ART3: variants seen among roughly 807,000 people sequenced by gnomAD.
ART3 encodes the protein ecto-ADP-ribosyltransferase 3.
ART3 carries 49 observed loss-of-function variants against 48.5 expected under a neutral mutation model. That is an observed-to-expected ratio of 1.01 (90% confidence interval 0.80 to 1.28). The LOEUF is 1.28. Among genes scored for constraint, ART3 ranks in the 50% most tolerant of loss-of-function variants. The probability of loss-of-function intolerance (pLI) is 0.00; values close to 1 mark genes in which losing one functional copy is unlikely to be tolerated. For synonymous variants in ART3, 145 were observed against 157.2 expected, an observed-to-expected ratio of 0.92 and a Z score of 0.58; for missense variants, 438 against 454.3, an observed-to-expected ratio of 0.96 and a Z score of 0.33.
At chr4:76,079,544 A>G (rs549615255) in intron 2 of ART3, among the ~76,000 whole-genome samples, 1 of 152,226 alleles carries the variant, frequency 6.6e-6, no homozygotes, top group South Asian at 2.1e-4. Context: ...AAGCATGTAT[A>G]TAACTGCCTG....
At chr4:76,037,965 A>G (rs1734590605) in intron 1 of ART3, among the ~76,000 whole-genome samples, 1 of 152,172 alleles carries the variant, frequency 6.6e-6, no homozygotes, top group South Asian at 2.1e-4. Flanking sequence ...ATTTAGATAT[A>G]ATCCTGCATT....
chr4:76,100,182 A>G, intron 5 of ART3, 109 bp from the exon 6 acceptor site: 1 of 1,120,832 alleles, frequency 8.9e-7, no homozygotes, highest in South Asian at 1.3e-5. Flanking sequence ...GACGTATCAA[A>G]TGGTTCTTTA....
At chr4:76,107,613 T>G (rs1728721345) in intron 10 of ART3, 148 bp from the exon 11 acceptor site, 2 of 483,728 alleles carry the variant, frequency 4.1e-6, no homozygotes, top group East Asian at 7.3e-5. Flanking sequence ...ACCCTTCCCC[T>G]AACCCCACAC....
intron 10 of ART3, chr4:76,105,415 T>C (rs1728251604): frequency 9.5e-7 from 1 of 1,049,704 alleles, no homozygotes; most frequent in Non-Finnish European, 1.2e-6. Context: ...CTTGCAGGAC[T>C]GATGAGATAA....
At chr4:76,026,743 C>T (rs1733423315) in intron 1 of ART3, among the ~76,000 whole-genome samples, 1 of 152,204 alleles carries the variant, frequency 6.6e-6, no homozygotes, top group African/African-American at 2.4e-5. Flanking sequence ...TGCAGGAATG[C>T]AAATATCCTC....
intron 3 of ART3, among the ~76,000 whole-genome samples, chr4:76,085,853 C>T (rs1357938397): frequency 6.6e-6 from 1 of 152,132 alleles, no homozygotes; most frequent in East Asian, 1.9e-4. Context: ...GGGCAGATCA[C>T]CTGAGGTCAG....
intron 1 of ART3, chr4:76,034,909 C>T: frequency 7.4e-7 from 1 of 1,346,804 alleles, no homozygotes; most frequent in Non-Finnish European, 1.1e-6. Flanking sequence ...GAAGCTGTTA[C>T]AACCAAGGAC....
chr4:76,043,694 G>A (rs1427442073), intron 1 of ART3, among the ~76,000 whole-genome samples: 2 of 151,006 alleles, frequency 1.3e-5, no homozygotes, highest in Admixed American at 6.6e-5. Context: ...CAAGCTGAGC[G>A]AGCCAGCTCC....
intron 1 of ART3, among the ~76,000 whole-genome samples, chr4:76,020,924 A>G (rs1732743674): frequency 6.6e-6 from 1 of 152,192 alleles, no homozygotes; most frequent in African/African-American, 2.4e-5. Context: ...AAGCTCTGTT[A>G]TGCTACATTA....
At chr4:76,041,099 G>A (rs1358604338) in intron 1 of ART3, 1 of 152,206 alleles carries the variant, frequency 6.6e-6, no homozygotes, top group Admixed American at 6.5e-5. Context: ...AGATAGAACA[G>A]TGAACAAAAC....
chr4:76,051,348 A>T (rs1212965038), intron 1 of ART3, among the ~76,000 whole-genome samples: 1 of 152,140 alleles, frequency 6.6e-6, no homozygotes, highest in African/African-American at 2.4e-5. Flanking sequence ...GTTTCTTATA[A>T]TATTATTAAA....
At chr4:76,070,147 A>G (rs28706454), upstream of ART3, among the ~76,000 whole-genome samples, 2 of 151,756 alleles carry the variant, frequency 1.3e-5, no homozygotes, top group African/African-American at 4.8e-5. Flanking sequence ...GTGAACATAC[A>G]CTTTAATAAT....
chr4:76,045,882 G>T (rs560993477), intron 1 of ART3, among the ~76,000 whole-genome samples: 10 of 152,172 alleles, frequency 6.6e-5, no homozygotes, highest in African/African-American at 2.2e-4. Context: ...GGATAAGCCA[G>T]TATAGGCTGT....
chr4:76,014,960 A>G (rs1259689204), intron 1 of ART3, among the ~76,000 whole-genome samples: 1 of 152,178 alleles, frequency 6.6e-6, no homozygotes, highest in African/African-American at 2.4e-5. Context: ...TGGCAAAACT[A>G]CCCTTCAAGA....
chr4:76,100,928 A>C, intron 7 of ART3, 62 bp from the exon 8 acceptor site: 9 of 1,605,426 alleles, frequency 5.6e-6, no homozygotes, highest in Non-Finnish European at 7.7e-6. Flanking sequence ...TGCTGTAGCT[A>C]TAGTAACTGC....
At chr4:76,023,385 A>AAGT in intron 1 of ART3, 1 of 1,613,616 alleles carries the variant, frequency 6.2e-7, no homozygotes, top group Non-Finnish European at 8.5e-7. Flanking sequence ...AATGCCACTT[A>AAGT]GAGTCAGAAA....
chr4:76,026,280 G>C (rs1288331300), intron 1 of ART3, among the ~76,000 whole-genome samples: 2 of 151,950 alleles, frequency 1.3e-5, no homozygotes, highest in East Asian at 3.9e-4. Flanking sequence ...CATACTATCT[G>C]ATATTCAGTT....
chr4:76,110,019 C>G (rs1456556587), intron 11 of ART3, among the ~76,000 whole-genome samples: 1 of 152,198 alleles, frequency 6.6e-6, no homozygotes, highest in African/African-American at 2.4e-5. Context: ...AACAGTTTAT[C>G]CTGTGGATGG....
chr4:76,054,465 T>C (rs1330169726), intron 1 of ART3, among the ~76,000 whole-genome samples: 2 of 152,242 alleles, frequency 1.3e-5, no homozygotes, highest in Non-Finnish European at 2.9e-5. Flanking sequence ...TTTTTTGTTC[T>C]AGCTATTTTA....
Sources: gnomAD v4.1 joint callset for allele counts (sites outside exome capture counted in the v4.1 genomes callset) on GRCh38, gnomAD v4.1.1 for gene constraint, MANE v1.5 for transcripts, NCBI Gene and HGNC (gene_info 2026-07-23, HGNC 2026-07-21) for gene names.